CHN2: variants seen among roughly 807,000 people sequenced by gnomAD.
CHN2 encodes the protein chimerin 2, also known as beta-chimaerin.
CHN2 carries 35 observed loss-of-function variants against 56.3 expected under a neutral mutation model. The ratio of observed to expected loss-of-function variants is 0.62; its 90% CI spans 0.47 to 0.82. CHN2 has a LOEUF of 0.82. CHN2 is among the 40% of genes least tolerant of loss of function. The probability of loss-of-function intolerance (pLI) is 0.00; values close to 1 mark genes in which losing one functional copy is unlikely to be tolerated. For synonymous variants in CHN2, 210 were observed against 212.8 expected, an observed-to-expected ratio of 0.99 and a Z score of 0.12; for missense variants, 491 against 580.5, an observed-to-expected ratio of 0.85 and a Z score of 1.58.
chr7:29,336,207 G>C (rs1195378883), intron 1 of CHN2: 2 of 152,174 alleles, frequency 1.3e-5, no homozygotes, highest in Non-Finnish European at 2.9e-5. Flanking sequence ...TGTCAGCTTT[G>C]AAAGATTGCC....
At chr7:29,474,543 T>G (rs1562636604) in intron 6 of CHN2, among the ~76,000 whole-genome samples, 1 of 152,258 alleles carries the variant, frequency 6.6e-6, no homozygotes, top group East Asian at 1.9e-4. Flanking sequence ...ACCCTCATCA[T>G]CATTCGTAAT....
At chr7:29,236,731 G>A (rs970498735) in intron 1 of CHN2, among the ~76,000 whole-genome samples, 1 of 152,168 alleles carries the variant, frequency 6.6e-6, no homozygotes, top group Non-Finnish European at 1.5e-5. Flanking sequence ...CAAATGGGTT[G>A]GCAAATGGGT....
rs373029971 is a variant in CHN2, at chr7:29,421,786, T to C, written c.576+20958T>C. Reference sequence around the variant, plus strand: ...CACAGGAAGGTGCTGGCCGATGGTTTGTATGAGAGCACCCCCATCCTTGCC... The same window carrying C: ...CACAGGAAGGTGCTGGCCGATGGTTCGTATGAGAGCACCCCCATCCTTGCC... On this transcript the variant is annotated intron_variant, in intron 6 of 12. Transcript: ENST00000222792. 2.3e-4 allele frequency among the ~76,000 whole-genome samples: 35 copies of C among 152,234 alleles called. 2 individuals carry two copies. Among genetic ancestry groups the C allele is most frequent in the East Asian group, 1.5e-3 (8 of 5,190 alleles).
At chr7:29,479,981 A>C in intron 6 of CHN2, 1 of 1,466,420 alleles carries the variant, frequency 6.8e-7, no homozygotes, top group Non-Finnish European at 9.0e-7. Flanking sequence ...CACATGCCGG[A>C]GGCTGCTGCA....
chr7:29,469,816 C>T (rs1298986317), intron 6 of CHN2, among the ~76,000 whole-genome samples: 1 of 152,150 alleles, frequency 6.6e-6, no homozygotes, highest in East Asian at 1.9e-4. Flanking sequence ...TGTCTACTCT[C>T]TTAGAGTGGT....
chr7:29,308,715 T>C (rs1043426351), intron 1 of CHN2, among the ~76,000 whole-genome samples: 3 of 152,234 alleles, frequency 2.0e-5, no homozygotes, highest in Non-Finnish European at 4.4e-5. Flanking sequence ...GTAGTCTTCC[T>C]GTGTGCCCAG....
At chr7:29,202,564 C>T (rs1157747807) in intron 1 of CHN2, among the ~76,000 whole-genome samples, 1 of 152,128 alleles carries the variant, frequency 6.6e-6, no homozygotes, top group Non-Finnish European at 1.5e-5. Flanking sequence ...ACTATAATAA[C>T]CAAAAGACTG....
At chr7:29,353,276 GAGTT>G (rs1437092420) in intron 1 of CHN2, among the ~76,000 whole-genome samples, 3 of 152,196 alleles carry the variant, frequency 2.0e-5, no homozygotes, top group African/African-American at 7.2e-5. Flanking sequence ...AACCACCCTT[GAGTT>G]AGTTTTTATT....
intron 4 of CHN2, among the ~76,000 whole-genome samples, chr7:29,394,885 C>A (rs1045904827): frequency 6.6e-6 from 1 of 152,124 alleles, no homozygotes; most frequent in Non-Finnish European, 1.5e-5. Flanking sequence ...TCTTCTTACC[C>A]CCAATTCATG....
At chr7:29,483,810 C>T (rs1278999793) in intron 7 of CHN2, 6 of 1,214,272 alleles carry the variant, frequency 4.9e-6, no homozygotes, top group Admixed American at 3.4e-5. Context: ...CCTGCCCACA[C>T]TTAGCACAGT....
At chr7:29,511,201 TAAGACATACAAG>T (rs202093375) in intron 12 of CHN2, among the ~76,000 whole-genome samples, 5,016 of 152,308 alleles carry the variant, frequency 0.033, 232 homozygotes, top group East Asian at 0.19. Context: ...TTCTACCTTA[TAAGACATACAAG>T]AAGACATACA....
intron 7 of CHN2, among the ~76,000 whole-genome samples, chr7:29,495,679 G>A (rs1032879345): frequency 6.6e-6 from 1 of 152,174 alleles, no homozygotes; most frequent in Non-Finnish European, 1.5e-5. Context: ...CTTGTTGTGG[G>A]TGGTCACAGT....
At chr7:29,473,534 C>T (rs1252278297) in intron 6 of CHN2, among the ~76,000 whole-genome samples, 1 of 144,020 alleles carries the variant, frequency 6.9e-6, no homozygotes, top group Admixed American at 7.2e-5. Context: ...GGCTGCGACC[C>T]ACAGGTTCAG....
chr7:29,460,304 A>G (rs1010122562), intron 6 of CHN2, among the ~76,000 whole-genome samples: 4 of 150,844 alleles, frequency 2.7e-5, no homozygotes, highest in Non-Finnish European at 4.4e-5. Context: ...GGGCAAACCC[A>G]TCACCCTTTT....
At chr7:29,402,034 T>C (rs1802256749) in intron 6 of CHN2, among the ~76,000 whole-genome samples, 1 of 152,182 alleles carries the variant, frequency 6.6e-6, no homozygotes, top group Non-Finnish European at 1.5e-5. Flanking sequence ...CCCGCCACAC[T>C]GCTCCTTCCA....
intron 3 of CHN2, among the ~76,000 whole-genome samples, chr7:29,392,506 T>G (rs923408069): frequency 1.3e-5 from 2 of 152,196 alleles, no homozygotes; most frequent in Non-Finnish European, 2.9e-5. Context: ...AATTCTCAGG[T>G]GTAAAATGCA....
intron 3 of CHN2, among the ~76,000 whole-genome samples, chr7:29,389,771 C>T (rs1002690646): frequency 3.3e-5 from 5 of 151,942 alleles, no homozygotes; most frequent in East Asian, 1.9e-4. Context: ...AAGAATCAGC[C>T]GGCCAGGCAC....
chr7:29,203,546 T>A (rs1784313389), intron 1 of CHN2, among the ~76,000 whole-genome samples: 1 of 151,892 alleles, frequency 6.6e-6, no homozygotes, highest in Admixed American at 6.6e-5. Context: ...ACCTGTTTTT[T>A]AAAAATGTGT....
chr7:29,178,531 C>T lies in CHN2; in HGVS notation c.274+31571C>T, dbSNP rs145469017. Among the ~76,000 whole-genome samples, 12 of 152,298 alleles carry T rather than the reference C, an allele frequency of 7.9e-5. No individual in the cohort carries two copies. In the East Asian group the frequency reaches 2.1e-3, roughly 27 times the overall value. ...TCAAGTCTCTGCTGAAATGTCACAT[C>T]CTCCGAGAGACGTTGCCTGACATGC... On this transcript the variant is annotated intron_variant, in intron 2 of 6. Coordinates refer to the CHN2 transcript ENST00000439384.
Sources: allele counts gnomAD v4.1 joint callset (sites outside exome capture counted in the v4.1 genomes callset), GRCh38; gene constraint gnomAD v4.1.1; transcripts MANE v1.5; gene names NCBI Gene and HGNC (gene_info 2026-07-23, HGNC 2026-07-21).